The following NLGN4X variants were observed in gnomAD, a reference collection of about 807,000 sequenced individuals.
NLGN4X encodes neuroligin-4, X-linked.
NLGN4X carries 3 observed loss-of-function variants against 40.3 expected under a neutral mutation model. The observed-to-expected ratio is 0.07, with a 90% CI of 0.03 to 0.19. The LOEUF is 0.19. NLGN4X is among the 10% of genes least tolerant of loss of function. NLGN4X has a pLI of 1.00. For missense variants in NLGN4X, 382 were observed against 708.3 expected (o/e 0.54, Z 5.23); for synonymous variants, 270 against 306.8 (o/e 0.88, Z 1.25).
intron 2 of NLGN4X, among the ~76,000 whole-genome samples, chrX:6,093,535 C>T (rs985614973): frequency 3.6e-5 from 4 of 110,229 alleles, no homozygotes; most frequent in Non-Finnish European, 5.7e-5. Flanking sequence ...AAAGGAAATC[C>T]GAAAGATTAA....
intron 1 of NLGN4X, among the ~76,000 whole-genome samples, chrX:6,195,540 G>A (rs1242200881): frequency 1.8e-5 from 2 of 112,482 alleles, no homozygotes; most frequent in African/African-American, 6.5e-5. Context: ...GTCCCATGAT[G>A]CATGAGTGTG....
intron 3 of NLGN4X, among the ~76,000 whole-genome samples, chrX:6,028,371 T>G (rs1176798691): frequency 9.0e-6 from 1 of 111,272 alleles, no homozygotes; most frequent in Non-Finnish European, 1.9e-5. Flanking sequence ...TAGAAGAAGA[T>G]GAATGATGGC....
chrX:6,030,060 G>A (rs1184623073), intron 2 of NLGN4X, among the ~76,000 whole-genome samples: 3 of 111,360 alleles, frequency 2.7e-5, no homozygotes, highest in Non-Finnish European at 3.8e-5. Context: ...TTGTTCCAGT[G>A]ATTACAGTAA....
chrX:5,897,591 C>G (rs1040663071), intron 5 of NLGN4X, among the ~76,000 whole-genome samples: 6 of 111,882 alleles, frequency 5.4e-5, no homozygotes, highest in Middle Eastern at 4.6e-3. Flanking sequence ...CTCCTTGCTA[C>G]AGGGGAGGAT....
chrX:5,923,323 TAG>T (rs1374984276), intron 3 of NLGN4X, among the ~76,000 whole-genome samples: 5 of 112,037 alleles, frequency 4.5e-5, no homozygotes, highest in African/African-American at 1.6e-4. Flanking sequence ...GTATTTTTTA[TAG>T]AGACAGGGTT....
intron 2 of NLGN4X, among the ~76,000 whole-genome samples, chrX:6,051,727 A>C (rs970663146): frequency 5.4e-5 from 6 of 110,795 alleles, no homozygotes; most frequent in Admixed American, 1.9e-4. Context: ...TTTACCACCC[A>C]GTGTTAATAT....
In NLGN4X at chrX:6,176,339, ACT is replaced by A. The variant is rs1327394110; in HGVS notation, c.-305-24570_-305-24569del. Among the ~76,000 whole-genome samples, 14 of 112,312 alleles carry A rather than the reference ACT, an allele frequency of 1.2e-4. No homozygotes were observed. In the South Asian group the frequency reaches 5.1e-3, roughly 41 times the overall value. On this transcript the variant is annotated intron_variant, in intron 1 of 5. Coordinates refer to ENST00000381095, the MANE Select transcript of NLGN4X (RefSeq NM_181332.3). ...CCAACAACCCTGAGTAAGTGATTTA[ACT>A]CTCACTGTTTGTCTTTCTTGTCTGT...
Position 6,116,391 on chromosome X carries a change from C to CT in NLGN4X, c.472+34603dup, listed in dbSNP as rs1157468420. ...ACAAGTAGGTATTGAACCTTTCTTT[C>CT]TTTTTTTTTTTTTTTTTTTTTTTTT... On this transcript the variant is annotated intron_variant, in intron 2 of 5. Coordinates refer to ENST00000381095, the MANE Select transcript of NLGN4X (RefSeq NM_181332.3). 3.6e-4 allele frequency among the ~76,000 whole-genome samples: 8 copies of CT among 22,290 alleles called. 2 individuals carry two copies. Among genetic ancestry groups the CT allele is most frequent in the Admixed American group, 1.6e-3 (2 of 1,260 alleles). The allele number at this position is 22,290 out of a possible 115,157, so 19.4% of individuals were successfully genotyped here.
chrX:5,975,242 G>C (rs2035139182), intron 3 of NLGN4X, among the ~76,000 whole-genome samples: 1 of 111,948 alleles, frequency 8.9e-6, no homozygotes, highest in South Asian at 3.7e-4. Context: ...TTGTAGAATC[G>C]AAGTTATGCA....
At chrX:6,171,047 CT>C (rs1464224807) in intron 1 of NLGN4X, among the ~76,000 whole-genome samples, 2 of 112,132 alleles carry the variant, frequency 1.8e-5, no homozygotes, top group Non-Finnish European at 3.8e-5. Flanking sequence ...TGGTCTCGAA[CT>C]GTTGGACTCA....
chrX:5,909,744 G>A (rs1035037142), intron 3 of NLGN4X, among the ~76,000 whole-genome samples: 3 of 110,734 alleles, frequency 2.7e-5, no homozygotes, highest in Admixed American at 9.7e-5. Flanking sequence ...CACTGAATTA[G>A]TTATTAACAT....
At chrX:6,178,829 C>T (rs887753011) in intron 1 of NLGN4X, among the ~76,000 whole-genome samples, 18 of 111,129 alleles carry the variant, frequency 1.6e-4, no homozygotes, top group African/African-American at 4.6e-4. Context: ...CGTGGCTGGG[C>T]GTGGCGGCTT....
chrX:5,998,368 C>G (rs2035887312), intron 3 of NLGN4X, among the ~76,000 whole-genome samples: 1 of 103,071 alleles, frequency 9.7e-6, no homozygotes, highest in Non-Finnish European at 2.0e-5. Flanking sequence ...CAAGATTGCA[C>G]CATTGCACTC....
chrX:6,146,670 T>C (rs761596314), intron 2 of NLGN4X, among the ~76,000 whole-genome samples: 16 of 100,155 alleles, frequency 1.6e-4, no homozygotes, highest in African/African-American at 6.0e-4. Context: ...TTTTTTAATA[T>C]CTTCCTTTTT....
intron 2 of NLGN4X, among the ~76,000 whole-genome samples, chrX:6,099,881 G>A (rs1043188477): frequency 6.3e-5 from 7 of 111,040 alleles, no homozygotes; most frequent in East Asian, 2.8e-4. Flanking sequence ...AGACCAGCTC[G>A]GTCCGGGAGA....
chrX:6,070,671 A>C (rs2038038309), intron 2 of NLGN4X, among the ~76,000 whole-genome samples: 1 of 112,036 alleles, frequency 8.9e-6, no homozygotes, highest in Admixed American at 9.5e-5. Flanking sequence ...TTCTATAAAT[A>C]AATACCCGAG....
At chrX:5,961,022 T>TTTTATTTA (rs764702226) in intron 3 of NLGN4X, among the ~76,000 whole-genome samples, 2 of 111,055 alleles carry the variant, frequency 1.8e-5, no homozygotes, top group East Asian at 2.8e-4. Context: ...TTTATTTTAT[T>TTTTATTTA]TTTATTTATT....
chrX:6,180,779 G>A (rs1921352668), intron 1 of NLGN4X, among the ~76,000 whole-genome samples: 1 of 109,851 alleles, frequency 9.1e-6, no homozygotes, highest in Non-Finnish European at 1.9e-5. Context: ...ACTCTCCACA[G>A]GACTTTGGAA....
chrX:6,124,528 A>G (rs2039499273), intron 2 of NLGN4X, among the ~76,000 whole-genome samples: 1 of 111,614 alleles, frequency 9.0e-6, no homozygotes, highest in African/African-American at 3.3e-5. Context: ...CTAAAAATAC[A>G]AAAGTTAGCT....
Sources: allele counts gnomAD v4.1 joint callset (sites outside exome capture counted in the v4.1 genomes callset), GRCh38; gene constraint gnomAD v4.1.1; transcripts MANE v1.5; gene names NCBI Gene and HGNC (gene_info 2026-07-23, HGNC 2026-07-21).